RBFOX1: variants seen among roughly 807,000 people sequenced by gnomAD.
RBFOX1 encodes RNA binding fox-1 homolog 1.
RBFOX1 carries 8 observed loss-of-function variants against 57.7 expected under a neutral mutation model. That is an observed-to-expected ratio of 0.14 (90% CI 0.08 to 0.25). The LOEUF is 0.25. Ranked by LOEUF, RBFOX1 falls within the 10% of genes least tolerant of loss-of-function variation. The pLI is 1.00. For missense variants in RBFOX1, 611 were observed against 548.5 expected, an observed-to-expected ratio of 1.11 and a Z score of -1.14; for synonymous variants, 326 against 222.4, an observed-to-expected ratio of 1.47 and a Z score of -4.15.
At chr16:6,820,986 G>A (rs753156727) in intron 3 of RBFOX1, among the ~76,000 whole-genome samples, 6 of 152,160 alleles carry the variant, frequency 3.9e-5, no homozygotes, top group East Asian at 1.9e-4. Flanking sequence ...GTTATATACA[G>A]TTACTTGTAA....
chr16:6,008,729 A>G (rs1335673579), intron 4 of RBFOX1, among the ~76,000 whole-genome samples: 1 of 152,224 alleles, frequency 6.6e-6, no homozygotes, highest in Non-Finnish European at 1.5e-5. Context: ...GCCTTGGCAC[A>G]AAGAAGTGTG....
At chr16:5,798,918 G>A (rs1468556561) in intron 3 of RBFOX1, among the ~76,000 whole-genome samples, 1 of 151,926 alleles carries the variant, frequency 6.6e-6, no homozygotes, top group Admixed American at 6.6e-5. Context: ...GCCCAATTCA[G>A]CTCCAGTTCT....
intron 2 of RBFOX1, among the ~76,000 whole-genome samples, chr16:6,407,512 A>G (rs2093324049): frequency 6.6e-6 from 1 of 150,498 alleles, no homozygotes; most frequent in Non-Finnish European, 1.5e-5. Context: ...AGACAGAGAG[A>G]AAGAGAGGAG....
At chr16:5,883,339 C>G (rs1292506711) in intron 4 of RBFOX1, among the ~76,000 whole-genome samples, 2 of 152,098 alleles carry the variant, frequency 1.3e-5, no homozygotes, top group East Asian at 3.8e-4. Context: ...AGAAAACAAA[C>G]CAATAAACAA....
At chr16:7,074,677 G>T (rs1023565490) in intron 4 of RBFOX1, among the ~76,000 whole-genome samples, 6 of 152,126 alleles carry the variant, frequency 3.9e-5, no homozygotes, top group African/African-American at 1.4e-4. Flanking sequence ...TAAAAGCTAA[G>T]ATTTTCCAAA....
intron 5 of RBFOX1, among the ~76,000 whole-genome samples, chr16:7,564,868 C>A (rs1222469978): frequency 1.3e-5 from 2 of 152,186 alleles, no homozygotes; most frequent in Admixed American, 1.3e-4. Flanking sequence ...CAGCCCTTCT[C>A]CTTTCAGAGG....
rs1361418159 is a variant in RBFOX1, at chr16:7,144,481, G to GCA, written c.27+92392_27+92393dup. Among the ~76,000 whole-genome samples, 8 of 138,822 alleles carry GCA rather than the reference G, an allele frequency of 5.8e-5. No individual in the cohort carries two copies. In the East Asian group the frequency reaches 1.7e-3, roughly 29 times the overall value. The allele number at this position is 138,822 out of a possible 152,430, so 91.1% of individuals were successfully genotyped here. On this transcript the variant is annotated intron_variant, in intron 4 of 15. Coordinates refer to ENST00000550418, the MANE Select transcript of RBFOX1 (RefSeq NM_018723.4). ...TTGTTCTGGCTGGAGTGCAGTGGTGGCACACACACAGCAGCTCACTGCAGC... is the reference window on the plus strand; with the variant it reads ...TTGTTCTGGCTGGAGTGCAGTGGTGGCACACACACACAGCAGCTCACTGCAGC...
chr16:6,929,793 G>A (rs969443357), intron 3 of RBFOX1, among the ~76,000 whole-genome samples: 1 of 151,920 alleles, frequency 6.6e-6, no homozygotes, highest in Non-Finnish European at 1.5e-5. Flanking sequence ...TTTTTTTATT[G>A]TATTCAAAGA....
chr16:6,882,402 C>G (rs1008005248), intron 3 of RBFOX1, among the ~76,000 whole-genome samples: 1 of 152,064 alleles, frequency 6.6e-6, no homozygotes, highest in Non-Finnish European at 1.5e-5. Flanking sequence ...TCTTCCCAGC[C>G]TGGCCAACAT....
At chr16:6,840,574 G>A (rs1343057980) in intron 3 of RBFOX1, among the ~76,000 whole-genome samples, 4 of 152,068 alleles carry the variant, frequency 2.6e-5, no homozygotes, top group Admixed American at 2.0e-4. Flanking sequence ...TAGCCCTCAT[G>A]AATGGGATTA....
chr16:7,534,939 T>C (rs2081122678), intron 5 of RBFOX1, among the ~76,000 whole-genome samples: 3 of 152,190 alleles, frequency 2.0e-5, no homozygotes. Flanking sequence ...TTCAGTGTCC[T>C]GACACTGGGG....
chr16:6,225,078 G>A (rs888338011), intron 1 of RBFOX1, among the ~76,000 whole-genome samples: 17 of 150,544 alleles, frequency 1.1e-4, no homozygotes, highest in African/African-American at 4.2e-4. Context: ...GCTGTCCCCA[G>A]TCCTGTGTAG....
chr16:5,284,998 A>T (rs986491403), intron 1 of RBFOX1, among the ~76,000 whole-genome samples: 3 of 151,822 alleles, frequency 2.0e-5, no homozygotes, highest in African/African-American at 7.3e-5. Context: ...ATTTGGATCT[A>T]TATCATTTGC....
intron 1 of RBFOX1, among the ~76,000 whole-genome samples, chr16:6,218,747 C>T (rs932808892): frequency 1.3e-5 from 2 of 152,082 alleles, no homozygotes; most frequent in Non-Finnish European, 2.9e-5. Flanking sequence ...CTGGGAACTT[C>T]CACTGGTTCC....
At chr16:6,467,324 T>C (rs1451361133) in intron 2 of RBFOX1, among the ~76,000 whole-genome samples, 1 of 151,962 alleles carries the variant, frequency 6.6e-6, no homozygotes, top group East Asian at 1.9e-4. Context: ...TGGGTTAACA[T>C]ACATACAGTG....
At chr16:6,082,032 C>A (rs1365439399) in intron 1 of RBFOX1, among the ~76,000 whole-genome samples, 1 of 152,214 alleles carries the variant, frequency 6.6e-6, no homozygotes, top group Non-Finnish European at 1.5e-5. Flanking sequence ...TGAGCTTCAA[C>A]TGTTTTCAAC....
chr16:6,520,740 C>T (rs74005250), intron 2 of RBFOX1, among the ~76,000 whole-genome samples: 3,199 of 152,226 alleles, frequency 0.021, 102 homozygotes, highest in African/African-American at 0.071. Context: ...TAAGTGGCTT[C>T]GTTTCGATCA....
At chr16:6,906,581 CA>C (rs2070019755) in intron 3 of RBFOX1, among the ~76,000 whole-genome samples, 1 of 152,074 alleles carries the variant, frequency 6.6e-6, no homozygotes, top group African/African-American at 2.4e-5. Flanking sequence ...ACAAGGGGTA[CA>C]TCAGTAGTGT....
chr16:6,786,363 T>C (rs1044355862), intron 3 of RBFOX1, among the ~76,000 whole-genome samples: 1 of 152,170 alleles, frequency 6.6e-6, no homozygotes, highest in East Asian at 1.9e-4. Context: ...AGAGTCCCTG[T>C]TGTCCCAGAC....
Sources: allele counts gnomAD v4.1 joint callset (sites outside exome capture counted in the v4.1 genomes callset), GRCh38; gene constraint gnomAD v4.1.1; transcripts MANE v1.5; gene names NCBI Gene and HGNC (gene_info 2026-07-23, HGNC 2026-07-21).